The following DNAH6 variants were observed in gnomAD, a reference collection of about 807,000 sequenced individuals.
The protein encoded by DNAH6 is axonemal beta dynein heavy chain 6.
In DNAH6, 340 loss-of-function variants were observed where a neutral mutation model predicts 491.4. The observed-to-expected ratio is 0.69, with a 90% confidence interval of 0.63 to 0.76. DNAH6 has a LOEUF of 0.76. Ranked by LOEUF, DNAH6 falls within the 30% of genes least tolerant of loss-of-function variation. The pLI is 0.00. For synonymous variants in DNAH6, 1,603 were observed against 1,686.1 expected (o/e 0.95, Z 1.21); for missense variants, 4,443 against 4,972.2 (o/e 0.89, Z 3.20).
At chr2:84,511,601 C>T (rs1675333074), upstream of DNAH6, among the ~76,000 whole-genome samples, 2 of 152,188 alleles carry the variant, frequency 1.3e-5, no homozygotes, top group African/African-American at 4.8e-5. Flanking sequence ...TTCTGACACT[C>T]CCCAGTGAGA....
chr2:84,757,231 C>G (rs1241143102), intron 63 of DNAH6, among the ~76,000 whole-genome samples: 1 of 152,110 alleles, frequency 6.6e-6, no homozygotes, highest in Non-Finnish European at 1.5e-5. Context: ...TATGAAGAAG[C>G]CCTTGAGGAC....
rs1473299954 is a variant in DNAH6, at chr2:84,784,746, G to T, written c.10889G>T (p.Arg3630Leu). Reference protein sequence around the residue: ...DPDSAIKDTFRLFLSSMPSNT... With the variant: ...DPDSAIKDTFLLFLSSMPSNT... ...GATAGTGCTATCAAGGACACTTTTC[G>T]ACTTTTTTTAAGCTCCATGCCTAGT... Residue 3630 changes from arginine to leucine, a missense_variant, in exon 66 of 77, where the codon CGA becomes CTA. Transcript: ENST00000389394. 1 of 1,550,284 alleles carries T rather than the reference G, an allele frequency of 6.5e-7. No homozygotes were observed. The highest frequency in any genetic ancestry group is 8.7e-7 in the Non-Finnish European group (1 of 1,146,060).
intron 15 of DNAH6, among the ~76,000 whole-genome samples, chr2:84,587,854 A>G (rs1683723100): frequency 6.6e-6 from 1 of 152,204 alleles, no homozygotes; most frequent in Non-Finnish European, 1.5e-5. Flanking sequence ...CTTTTGGGCC[A>G]TAGCAGCGTC....
At chr2:84,743,750 A>T (rs1052877911) in intron 62 of DNAH6, among the ~76,000 whole-genome samples, 1 of 152,202 alleles carries the variant, frequency 6.6e-6, no homozygotes, top group Non-Finnish European at 1.5e-5. Flanking sequence ...TGAACCTGGG[A>T]GGCAAAGGTT....
At chr2:84,620,394 G>A (rs1687277305) in intron 24 of DNAH6, among the ~76,000 whole-genome samples, 1 of 152,180 alleles carries the variant, frequency 6.6e-6, no homozygotes, top group South Asian at 2.1e-4. Context: ...CATCTCCAGG[G>A]CACTGCACAG....
chr2:84,819,015 A>G (rs746878143), intron 76 of DNAH6, among the ~76,000 whole-genome samples: 1 of 152,178 alleles, frequency 6.6e-6, no homozygotes, highest in African/African-American at 2.4e-5. Context: ...CAGAGGTTGC[A>G]GCAAGCTGAG....
intron 23 of DNAH6, among the ~76,000 whole-genome samples, 190 bp from the exon 24 acceptor site, chr2:84,619,495 G>A (rs543179605): frequency 1.3e-5 from 2 of 152,162 alleles, no homozygotes; most frequent in Admixed American, 6.5e-5. Flanking sequence ...ACCTAAATGC[G>A]TCATCACTAA....
chr2:84,694,217 T>C, intron 45 of DNAH6, 32 bp from the exon 46 acceptor site: 1 of 1,541,550 alleles, frequency 6.5e-7, no homozygotes, highest in Non-Finnish European at 8.8e-7. Flanking sequence ...GTCTGTGAAC[T>C]TGAAATAAAC....
intron 60 of DNAH6, among the ~76,000 whole-genome samples, chr2:84,726,978 ATC>A (rs1460721112): frequency 6.6e-6 from 1 of 152,148 alleles, no homozygotes; most frequent in Non-Finnish European, 1.5e-5. Context: ...CAAGGTAGAA[ATC>A]TCCTTTAAAA....
At chr2:84,667,790 G>T (rs1051929738) in intron 37 of DNAH6, among the ~76,000 whole-genome samples, 3 of 152,170 alleles carry the variant, frequency 2.0e-5, no homozygotes, top group African/African-American at 7.2e-5. Context: ...ACATGCACAA[G>T]TATGTTTATT....
intron 46 of DNAH6, among the ~76,000 whole-genome samples, chr2:84,695,983 A>C (rs1695347309): frequency 6.6e-6 from 1 of 152,036 alleles, no homozygotes; most frequent in Non-Finnish European, 1.5e-5. Flanking sequence ...TAAAAATAAA[A>C]ATGCATGTGT....
chr2:84,674,453 G>A (rs549240548), intron 40 of DNAH6, among the ~76,000 whole-genome samples: 17 of 152,250 alleles, frequency 1.1e-4, no homozygotes, highest in Admixed American at 7.2e-4. Context: ...TAAGATGAGT[G>A]TAAGAGGCAG....
Position 84,653,522 on chromosome 2 carries a change from C to G in DNAH6, c.5282C>G (p.Thr1761Arg), listed in dbSNP as rs1158154331. The change falls in exon 34 of 77, where the codon ACA becomes AGA. Residue 1761 changes from threonine (T) to arginine (R), a missense_variant. By Grantham distance (71) the Thr-to-Arg change is moderately conservative (BLOSUM62 -1). Around this residue, in one of 3 missense-constraint regions of DNAH6, gnomAD observed 2,977 missense variants for 3,296.6 expected, o/e 0.90. Transcript: ENST00000389394. ...LVGPTGGGKT[T>R]VYRILAETLG... ...GGGCCAACAGGAGGCGGCAAGACCACAGTTTACCGAATACTAGCAGAAACT... is the reference window on the plus strand; with the variant it reads ...GGGCCAACAGGAGGCGGCAAGACCAGAGTTTACCGAATACTAGCAGAAACT... 6 of 1,551,180 alleles carry G rather than the reference C, an allele frequency of 3.9e-6. No homozygotes were observed. Among genetic ancestry groups the G allele is most frequent in the African/African-American group, 1.4e-5 (1 of 72,986 alleles).
At chr2:84,705,953 A>G (rs1231491604) in intron 52 of DNAH6, among the ~76,000 whole-genome samples, 1 of 152,198 alleles carries the variant, frequency 6.6e-6, no homozygotes, top group African/African-American at 2.4e-5. Context: ...TAAGAGGAAC[A>G]TGAGTTCCTC....
At chr2:84,660,312 T>C (rs1483872720) in intron 37 of DNAH6, among the ~76,000 whole-genome samples, 1 of 152,118 alleles carries the variant, frequency 6.6e-6, no homozygotes, top group South Asian at 2.1e-4. Flanking sequence ...ATGGATAGAT[T>C]TAAGCATCAA....
At chr2:84,692,391 C>G (rs1453713423) in intron 45 of DNAH6, among the ~76,000 whole-genome samples, 4 of 150,896 alleles carry the variant, frequency 2.7e-5, no homozygotes, top group Non-Finnish European at 5.9e-5. Flanking sequence ...ACATTGTTTT[C>G]TTCAATTATC....
chr2:84,596,888 T>C (rs550271684), intron 18 of DNAH6, among the ~76,000 whole-genome samples: 8 of 152,324 alleles, frequency 5.3e-5, no homozygotes, highest in African/African-American at 1.9e-4. Flanking sequence ...TTTGTTAAAG[T>C]CTGCATTCCA....
chr2:84,507,602 T>C, the DNAH6 span, among the ~76,000 whole-genome samples: 145,492 of 151,540 alleles, frequency 0.96, 69,877 homozygotes, highest in East Asian at 1. Flanking sequence ...TCCAACACTA[T>C]GTTGAATAGG....
chr2:84,757,006 AC>A (rs1265789757), intron 63 of DNAH6, among the ~76,000 whole-genome samples: 3 of 152,172 alleles, frequency 2.0e-5, no homozygotes, highest in African/African-American at 4.8e-5. Context: ...GAAGAGATTG[AC>A]CATTCTCTAA....
Sources: gnomAD v4.1 joint callset for allele counts (sites outside exome capture counted in the v4.1 genomes callset) on GRCh38, gnomAD v4.1.1 for gene constraint, gnomAD v4.1.1 regional missense constraint, MANE v1.5 for transcripts, NCBI Gene and HGNC (gene_info 2026-07-23, HGNC 2026-07-21) for gene names.